The following SYT9 variants were observed in gnomAD, a reference collection of about 807,000 sequenced individuals.
SYT9 encodes synaptotagmin 9.
Under a neutral mutation model 48.4 loss-of-function variants are expected in SYT9, and 22 were observed. The observed-to-expected ratio is 0.45, with a 90% confidence interval of 0.32 to 0.65. The LOEUF is 0.65. SYT9 is among the 30% of genes least tolerant of loss of function. The pLI is 0.03. For synonymous variants in SYT9, 265 were observed against 245.0 expected, an observed-to-expected ratio of 1.08 and a Z score of -0.76; for missense variants, 577 against 622.0, an observed-to-expected ratio of 0.93 and a Z score of 0.77.
chr11:7,333,160 G>T (rs1849572466), intron 3 of SYT9, among the ~76,000 whole-genome samples: 1 of 152,198 alleles, frequency 6.6e-6, no homozygotes, highest in Non-Finnish European at 1.5e-5. Flanking sequence ...TATGCTTCCA[G>T]GCTGAAATTC....
At chr11:7,377,652 G>A (rs4758179) in intron 3 of SYT9, among the ~76,000 whole-genome samples, 48,116 of 151,960 alleles carry the variant, frequency 0.32, 8,185 homozygotes, top group African/African-American at 0.44. Flanking sequence ...CACAAGGGTG[G>A]AAACATTGCA....
At chr11:7,394,925 A>G (rs544484513) in intron 3 of SYT9, among the ~76,000 whole-genome samples, 14 of 152,136 alleles carry the variant, frequency 9.2e-5, no homozygotes, top group South Asian at 2.1e-4. Context: ...CCTAATTTCA[A>G]TGTTTACCCA....
intron 3 of SYT9, among the ~76,000 whole-genome samples, chr11:7,404,578 A>C (rs549704336): frequency 6.6e-6 from 1 of 152,318 alleles, no homozygotes; most frequent in East Asian, 1.9e-4. Context: ...TAAGAAACTT[A>C]CAACAGTTTC....
Position 7,365,303 on chromosome 11 carries a change from G to A in SYT9, c.1045-50739G>A, listed in dbSNP as rs553552006. Among the ~76,000 whole-genome samples, 21 of 152,228 alleles carry A rather than the reference G, an allele frequency of 1.4e-4. 1 individual carries two copies. The South Asian group carries it at 4.1e-3, about 30-fold the overall frequency. ...AAAAATCCAAGATGGAATAAAAGAT[G>A]TATTCCCCTCCCAATTTATAGAGGA... On this transcript the variant is annotated intron_variant, in intron 3 of 6. Coordinates refer to ENST00000318881, the MANE Select transcript of SYT9 (RefSeq NM_175733.4).
chr11:7,456,061 G>A (rs958394617), intron 6 of SYT9, among the ~76,000 whole-genome samples: 2 of 152,182 alleles, frequency 1.3e-5, no homozygotes, highest in African/African-American at 2.4e-5. Flanking sequence ...TAGTTTGATT[G>A]TATTTAGATT....
At position 7,245,035 on chromosome 11, in the gene SYT9, C is replaced by G. The variant is rs191689298; in HGVS notation, c.49+6119C>G. Among the ~76,000 whole-genome samples, 222 of 152,296 alleles carry G rather than the reference C, an allele frequency of 1.5e-3. 4 individuals are homozygous for G. The South Asian group carries it at 0.043, about 29-fold the overall frequency. On this transcript the variant is annotated intron_variant and NMD_transcript_variant, in intron 1 of 8. Transcript: ENST00000524820. ...AGATAAGATGATGAGAGAACCTGAG[C>G]AATGTCACACAAAAAGTGGATAAAG...
chr11:7,250,472 A>C (rs1847850066), upstream of SYT9, among the ~76,000 whole-genome samples: 1 of 79,730 alleles, frequency 1.3e-5, no homozygotes. Flanking sequence ...GCATCACACT[A>C]TCTCTGGTGT....
chr11:7,314,146 C>A, intron 3 of SYT9: 1 of 710,436 alleles, frequency 1.4e-6, no homozygotes, highest in East Asian at 2.7e-5. Context: ...TCCATGAAAA[C>A]AATATTAAAG....
chr11:7,339,533 G>A (rs1031468435), intron 3 of SYT9, among the ~76,000 whole-genome samples: 1 of 152,074 alleles, frequency 6.6e-6, no homozygotes, highest in African/African-American at 2.4e-5. Context: ...AAGATCTTTT[G>A]TAAGGCAGGT....
chr11:7,256,964 T>G (rs542384171), intron 1 of SYT9, among the ~76,000 whole-genome samples: 64 of 152,262 alleles, frequency 4.2e-4, no homozygotes, highest in African/African-American at 1.4e-3. Context: ...TAGGAATACT[T>G]AGGGAGCTGG....
At position 7,242,314 on chromosome 11, in the gene SYT9, C is replaced by G. The variant is rs1467460493; in HGVS notation, c.49+3398C>G. On this transcript the variant is annotated intron_variant and NMD_transcript_variant, in intron 1 of 8. Transcript: ENST00000524820. ...TCAGCTTCATGATGTGAGCTCTGTGCTTTTCCCTGGACCCATCTGGGGTGG... is the reference window on the plus strand; with the variant it reads ...TCAGCTTCATGATGTGAGCTCTGTGGTTTTCCCTGGACCCATCTGGGGTGG... 5.3e-5 allele frequency among the ~76,000 whole-genome samples: 8 copies of G among 152,280 alleles called. No homozygotes were observed. The East Asian group carries it at 1.5e-3, about 29-fold the overall frequency.
In SYT9 at chr11:7,265,939, T is replaced by C. The variant is rs376950931; in HGVS notation, c.145+13608T>C. ...TTAGAGAATAACATGGTTGCTTGAT[T>C]CCTGTAGGCTATAAATCATCCTAGC... On this transcript the variant is annotated intron_variant, in intron 1 of 6. Transcript: ENST00000318881. Among the ~76,000 whole-genome samples, 67 of 152,276 alleles carry C rather than the reference T, an allele frequency of 4.4e-4. 1 individual carries two copies. Among genetic ancestry groups the C allele is most frequent in the Admixed American group, 1.9e-3 (29 of 15,286 alleles).
At chr11:7,390,723 GT>G (rs1850747135) in intron 3 of SYT9, among the ~76,000 whole-genome samples, 1 of 152,184 alleles carries the variant, frequency 6.6e-6, no homozygotes, top group South Asian at 2.1e-4. Context: ...GAATTTAAAA[GT>G]GGTTGAAACC....
At chr11:7,352,000 C>A (rs1849925343) in intron 3 of SYT9, among the ~76,000 whole-genome samples, 1 of 152,120 alleles carries the variant, frequency 6.6e-6, no homozygotes, top group South Asian at 2.1e-4. Flanking sequence ...GACCAACAGA[C>A]CTTCCTTTTC....
chr11:7,359,724 T>G (rs904275954), intron 3 of SYT9, among the ~76,000 whole-genome samples: 11 of 123,190 alleles, frequency 8.9e-5, no homozygotes, highest in Admixed American at 2.6e-4. Flanking sequence ...TAAATTTGTT[T>G]GAGTTCATTG....
chr11:7,409,012 A>T (rs894922502), intron 3 of SYT9, among the ~76,000 whole-genome samples: 2 of 152,180 alleles, frequency 1.3e-5, no homozygotes, highest in Non-Finnish European at 2.9e-5. Context: ...TCATACTAAC[A>T]TTCAGTATGA....
chr11:7,345,263 T>C (rs1849780370), intron 3 of SYT9, among the ~76,000 whole-genome samples: 1 of 152,238 alleles, frequency 6.6e-6, no homozygotes, highest in South Asian at 2.1e-4. Flanking sequence ...GGTTTTCACC[T>C]GTCTGTACTG....
chr11:7,283,199 T>TTA (rs1790447982), intron 1 of SYT9, among the ~76,000 whole-genome samples: 1 of 150,778 alleles, frequency 6.6e-6, no homozygotes, highest in African/African-American at 2.4e-5. Flanking sequence ...ACATATATAT[T>TTA]TATATATATG....
intron 3 of SYT9, among the ~76,000 whole-genome samples, chr11:7,384,839 T>G (rs1161858288): frequency 6.6e-6 from 1 of 152,126 alleles, no homozygotes; most frequent in Non-Finnish European, 1.5e-5. Context: ...CTCACTATAC[T>G]CCAGCTACAC....
Sources: gnomAD v4.1 joint callset for allele counts (sites outside exome capture counted in the v4.1 genomes callset) on GRCh38, gnomAD v4.1.1 for gene constraint, MANE v1.5 for transcripts, NCBI Gene and HGNC (gene_info 2026-07-23, HGNC 2026-07-21) for gene names.